RBFOX3: variants seen among roughly 807,000 people sequenced by gnomAD.
RBFOX3 encodes RNA binding fox-1 homolog 3, also known as RNA binding protein fox-1 homolog 3.
Under a neutral mutation model 48.7 loss-of-function variants are expected in RBFOX3, and 17 were observed. That is an observed-to-expected ratio of 0.35 (90% CI 0.24 to 0.52). RBFOX3 has a LOEUF of 0.52. Ranked by LOEUF, RBFOX3 falls within the 20% of genes least tolerant of loss-of-function variation. The pLI is 0.94. For missense variants in RBFOX3, 382 were observed against 497.5 expected (o/e 0.77, Z 2.21); for synonymous variants, 212 against 209.5 (o/e 1.01, Z -0.10).
intron 1 of RBFOX3, among the ~76,000 whole-genome samples, chr17:79,551,919 T>A (rs36184200): frequency 0.16 from 24,848 of 152,234 alleles, 2,500 homozygotes; most frequent in Non-Finnish European, 0.23. Context: ...CGAGTATTCC[T>A]TTAGAGCAAT....
chr17:79,304,104 G>C (rs903598615), intron 3 of RBFOX3, among the ~76,000 whole-genome samples: 35 of 152,096 alleles, frequency 2.3e-4, no homozygotes, highest in African/African-American at 8.5e-4. Context: ...TCTAACTCCT[G>C]TTTGGAAAAT....
At chr17:79,219,019 C>T (rs904091371) in intron 4 of RBFOX3, among the ~76,000 whole-genome samples, 5 of 152,200 alleles carry the variant, frequency 3.3e-5, no homozygotes, top group Admixed American at 6.5e-5. Context: ...GCTCTGCGGA[C>T]CCCCTGCTGG....
At chr17:79,628,350 A>T in the RBFOX3 span, among the ~76,000 whole-genome samples, 1 of 151,520 alleles carries the variant, frequency 6.6e-6, no homozygotes, top group East Asian at 1.9e-4. Flanking sequence ...CCCCTCGAAG[A>T]CTCCCCTGGA....
intron 1 of RBFOX3, among the ~76,000 whole-genome samples, chr17:79,523,871 A>T (rs972274494): frequency 1.3e-5 from 2 of 152,056 alleles, no homozygotes; most frequent in Admixed American, 6.5e-5. Context: ...GTGTCCTAAT[A>T]CCTTATCCCC....
rs568377162 is a variant in RBFOX3, at chr17:79,311,521, G to T, written c.-174-3697C>A. On this transcript the variant is annotated intron_variant, in intron 2 of 14. Transcript: ENST00000693108. This position sits in a 1 kb window ranked among gnomAD's most constrained non-coding sequence, Gnocchi z 4.2. ...CACCCATCCTACAGAGTTCAGATTC[G>T]GCAGCCTTCGCAATAACATGACCTA... Among the ~76,000 whole-genome samples, 1 of 151,478 alleles carries T rather than the reference G, an allele frequency of 6.6e-6. No individual in the cohort carries two copies. The highest frequency in any genetic ancestry group is 1.5e-5 in the Non-Finnish European group (1 of 67,986).
At chr17:79,527,455 T>G (rs1302688209) in intron 1 of RBFOX3, among the ~76,000 whole-genome samples, 1 of 152,236 alleles carries the variant, frequency 6.6e-6, no homozygotes, top group African/African-American at 2.4e-5. Context: ...TGCCTGGTAC[T>G]TCTGTGCTCA....
chr17:79,647,373 C>G, the RBFOX3 span, among the ~76,000 whole-genome samples: 2 of 152,270 alleles, frequency 1.3e-5, no homozygotes, highest in East Asian at 1.9e-4. Context: ...CAACGCAGTG[C>G]GAGGTCTCTG....
At chr17:79,360,490 GAC>G (rs909211644) in intron 2 of RBFOX3, among the ~76,000 whole-genome samples, 40 of 152,328 alleles carry the variant, frequency 2.6e-4, no homozygotes, top group African/African-American at 9.6e-4. Context: ...GCTCAGCAGG[GAC>G]GTGAACAGTT....
intron 4 of RBFOX3, among the ~76,000 whole-genome samples, chr17:79,179,748 T>G (rs1431882126): frequency 6.6e-6 from 1 of 152,202 alleles, no homozygotes; most frequent in Non-Finnish European, 1.5e-5. Context: ...GGCCAGGGCC[T>G]CCCAGAGAGT....
chr17:79,548,014 T>C (rs1036725144), intron 1 of RBFOX3, among the ~76,000 whole-genome samples: 1 of 152,234 alleles, frequency 6.6e-6, no homozygotes, highest in Non-Finnish European at 1.5e-5. Context: ...TATCCTGGAC[T>C]ACTCTGAACA....
chr17:79,509,399 C>T (rs1005206394), intron 1 of RBFOX3, among the ~76,000 whole-genome samples: 1 of 152,056 alleles, frequency 6.6e-6, no homozygotes, highest in South Asian at 2.1e-4. Flanking sequence ...AAGCCAGGGG[C>T]CCAGGCTCCC....
chr17:79,143,926 C>G (rs2042463249), intron 4 of RBFOX3, among the ~76,000 whole-genome samples: 2 of 152,240 alleles, frequency 1.3e-5, no homozygotes, highest in African/African-American at 4.8e-5. Flanking sequence ...TATTTAACTG[C>G]AGGCCAGGAC....
At chr17:79,134,969 GA>G (rs1261015706) in intron 4 of RBFOX3, 2 of 152,356 alleles carry the variant, frequency 1.3e-5, no homozygotes, top group African/African-American at 4.8e-5. Context: ...CTTGGTGAGG[GA>G]GGGGGACTCT....
chr17:79,604,456 T>C (rs2093781706), intron 1 of RBFOX3, among the ~76,000 whole-genome samples: 1 of 151,486 alleles, frequency 6.6e-6, no homozygotes, highest in South Asian at 2.1e-4. Flanking sequence ...TACAAAGCCC[T>C]TCTTGCCATT....
chr17:79,639,275 C>G, the RBFOX3 span, among the ~76,000 whole-genome samples: 1 of 151,958 alleles, frequency 6.6e-6, no homozygotes, highest in African/African-American at 2.4e-5. Flanking sequence ...CCCAGGTTCA[C>G]GCCATTCTCC....
intron 2 of RBFOX3, among the ~76,000 whole-genome samples, chr17:79,329,389 G>T (rs1015045715): frequency 7.2e-5 from 11 of 152,082 alleles, no homozygotes; most frequent in African/African-American, 2.2e-4. Context: ...CACTCCTGCC[G>T]GTGATCCTGT....
Position 79,443,818 on chromosome 17 carries a change from C to T in RBFOX3, c.-175+38636G>A, listed in dbSNP as rs944480415. 6.6e-6 allele frequency among the ~76,000 whole-genome samples: 1 copy of T among 152,162 alleles called. No individual in the cohort carries two copies. Among genetic ancestry groups the T allele is most frequent in the Admixed American group, 6.5e-5 (1 of 15,278 alleles). On this transcript the variant is annotated intron_variant, in intron 2 of 14. Coordinates refer to ENST00000693108, the MANE Select transcript of RBFOX3 (RefSeq NM_001350451.2). This position sits in a 1 kb window ranked among gnomAD's most constrained non-coding sequence, Gnocchi z 4.4. ...CCCCGACCCTTTATTTGCTGAGCCC[C>T]AGAGTGACCCTCTGGGATGATGGTG...
chr17:79,454,610 T>C (rs1345084385), intron 2 of RBFOX3, among the ~76,000 whole-genome samples: 13 of 152,292 alleles, frequency 8.5e-5, no homozygotes, highest in Non-Finnish European at 1.5e-4. Flanking sequence ...AAGAATTTCA[T>C]ACCGTCCGGC....
chr17:79,661,636 C>G, the RBFOX3 span, among the ~76,000 whole-genome samples: 2 of 152,196 alleles, frequency 1.3e-5, no homozygotes, highest in African/African-American at 2.4e-5. Flanking sequence ...TAGCTGGGTT[C>G]TGGGGCAGGT....
Sources: allele counts gnomAD v4.1 joint callset (sites outside exome capture counted in the v4.1 genomes callset), GRCh38; gene constraint gnomAD v4.1.1; non-coding constraint Gnocchi (gnomAD v3.1); transcripts MANE v1.5; gene names NCBI Gene and HGNC (gene_info 2026-07-23, HGNC 2026-07-21).